The following PLCXD3 variants were observed in gnomAD, a reference collection of about 807,000 sequenced individuals.
PLCXD3 encodes the protein phosphatidylinositol specific phospholipase C X domain containing 3.
A neutral mutation model predicts 25.5 loss-of-function variants in PLCXD3; 19 were observed. That is an observed-to-expected ratio of 0.75 (90% CI 0.52 to 1.09). The LOEUF (loss-of-function observed/expected upper bound fraction) is 1.09, where lower values mean the gene tolerates loss of function less well. Ranked by LOEUF, PLCXD3 falls within the 50% of genes least tolerant of loss-of-function variation. The probability of loss-of-function intolerance (pLI) is 0.00; values close to 1 mark genes in which losing one functional copy is unlikely to be tolerated. For synonymous variants in PLCXD3, 174 were observed against 137.6 expected (o/e 1.26, Z -1.85); for missense variants, 411 against 388.1 (o/e 1.06, Z -0.50).
intron 1 of PLCXD3, among the ~76,000 whole-genome samples, chr5:41,436,378 T>C (rs1221095760): frequency 1.3e-5 from 2 of 152,164 alleles, no homozygotes; most frequent in Admixed American, 1.3e-4. Context: ...GTGTGATTAT[T>C]TGCAAGTTAC....
At chr5:41,423,724 T>A (rs2150506705) in intron 1 of PLCXD3, among the ~76,000 whole-genome samples, 1 of 152,284 alleles carries the variant, frequency 6.6e-6, no homozygotes, top group Non-Finnish European at 1.5e-5. Context: ...GGCGGACGGA[T>A]CACCTGAGGT....
chr5:41,338,899 G>A (rs1360339799), intron 2 of PLCXD3, among the ~76,000 whole-genome samples: 1 of 152,074 alleles, frequency 6.6e-6, no homozygotes, highest in Non-Finnish European at 1.5e-5. Context: ...GGAAAATAAT[G>A]CAATGTTCTC....
At chr5:41,487,681 C>T (rs1748549161) in intron 1 of PLCXD3, among the ~76,000 whole-genome samples, 1 of 152,138 alleles carries the variant, frequency 6.6e-6, no homozygotes, top group African/African-American at 2.4e-5. Context: ...AATGTCTCCT[C>T]AGGAGGTGTC....
At chr5:41,343,552 A>G (rs1744220042) in intron 2 of PLCXD3, among the ~76,000 whole-genome samples, 2 of 152,118 alleles carry the variant, frequency 1.3e-5, no homozygotes, top group East Asian at 1.9e-4. Context: ...TCTAACCCCA[A>G]CAGGTGGTTT....
intron 2 of PLCXD3, among the ~76,000 whole-genome samples, chr5:41,336,241 T>G (rs562968447): frequency 6.6e-6 from 1 of 152,272 alleles, no homozygotes; most frequent in Admixed American, 6.5e-5. Context: ...ATAGGTGGTA[T>G]GGCATAGAGG....
intron 1 of PLCXD3, among the ~76,000 whole-genome samples, chr5:41,477,539 A>G (rs961016303): frequency 6.6e-6 from 1 of 152,144 alleles, no homozygotes; most frequent in East Asian, 1.9e-4. Flanking sequence ...AATCAGGTGC[A>G]TATTTTCACA....
At chr5:41,341,765 C>T (rs1011476582) in intron 2 of PLCXD3, among the ~76,000 whole-genome samples, 4 of 152,230 alleles carry the variant, frequency 2.6e-5, no homozygotes, top group South Asian at 2.1e-4. Flanking sequence ...GGAATCTCCC[C>T]GTGTTGCTAA....
chr5:41,442,207 T>A (rs1229867699), intron 1 of PLCXD3, among the ~76,000 whole-genome samples: 1 of 152,206 alleles, frequency 6.6e-6, no homozygotes, highest in Non-Finnish European at 1.5e-5. Context: ...TCCTTCTAAA[T>A]CTGTATGTAA....
chr5:41,365,772 A>T (rs1488738038), intron 2 of PLCXD3, among the ~76,000 whole-genome samples: 1 of 152,066 alleles, frequency 6.6e-6, no homozygotes, highest in East Asian at 1.9e-4. Context: ...AATTTTTTTT[A>T]GTATTGTATC....
At chr5:41,319,449 T>A (rs1292155469) in intron 2 of PLCXD3, among the ~76,000 whole-genome samples, 2 of 152,070 alleles carry the variant, frequency 1.3e-5, no homozygotes, top group Admixed American at 6.5e-5. Flanking sequence ...AAATTAATGA[T>A]GAGAGGAATT....
intron 1 of PLCXD3, among the ~76,000 whole-genome samples, chr5:41,421,924 T>G (rs1299893298): frequency 6.6e-6 from 1 of 152,160 alleles, no homozygotes; most frequent in Non-Finnish European, 1.5e-5. Flanking sequence ...AACAACATGC[T>G]TTTCTTCATA....
At chr5:41,350,990 A>T (rs747798140) in intron 2 of PLCXD3, among the ~76,000 whole-genome samples, 11 of 152,244 alleles carry the variant, frequency 7.2e-5, no homozygotes, top group Non-Finnish European at 8.8e-5. Flanking sequence ...AAGTCACCAA[A>T]CCATACTTTA....
intron 1 of PLCXD3, among the ~76,000 whole-genome samples, chr5:41,470,325 T>C (rs1356744418): frequency 3.3e-5 from 5 of 151,802 alleles, no homozygotes; most frequent in African/African-American, 1.2e-4. Flanking sequence ...TCCAGAAGGG[T>C]CTGGAAAGGA....
At chr5:41,412,894 G>A (rs1746600781) in intron 1 of PLCXD3, among the ~76,000 whole-genome samples, 2 of 152,054 alleles carry the variant, frequency 1.3e-5, no homozygotes, top group South Asian at 4.1e-4. Flanking sequence ...TCAACTATTT[G>A]TACTGTCTTC....
chr5:41,510,377 G>C (rs1262331526), intron 1 of PLCXD3, 47 bp downstream of exon 1: 2 of 1,498,908 alleles, frequency 1.3e-6, no homozygotes, highest in Non-Finnish European at 9.1e-7. Context: ...GGGCGGGGCA[G>C]GTGGAGCGGG....
rs150964001 is a variant in PLCXD3, at chr5:41,314,069, C to T, written c.813-299G>A. 4.3e-4 allele frequency among the ~76,000 whole-genome samples: 65 copies of T among 152,272 alleles called. No individual in the cohort carries two copies. In the East Asian group the frequency reaches 8.7e-3, roughly 20 times the overall value. On this transcript the variant is annotated intron_variant, in intron 2 of 2. Transcript: ENST00000377801. ...AAAACAACATTTTTGCATTTGTATT[C>T]TGATTTAACATGGTGTCATCACAAA...
intron 1 of PLCXD3, among the ~76,000 whole-genome samples, chr5:41,390,698 G>C (rs1423468704): frequency 7.2e-5 from 11 of 152,052 alleles, no homozygotes; most frequent in African/African-American, 2.7e-4. Flanking sequence ...AGGACACCAA[G>C]TAGTTAATAA....
chr5:41,447,633 G>A (rs1356037091), intron 1 of PLCXD3, among the ~76,000 whole-genome samples: 2 of 152,178 alleles, frequency 1.3e-5, no homozygotes, highest in African/African-American at 4.8e-5. Flanking sequence ...GAGCCCCAGA[G>A]GATATTGCAT....
chr5:41,307,585 C>G lies in PLCXD3; in HGVS notation c.*6032G>C, dbSNP rs1405830809. The G allele has an allele frequency of 1.3e-5, 2 of 152,194 alleles. No homozygotes were observed. Among genetic ancestry groups the G allele is most frequent in the Non-Finnish European group, 2.9e-5 (2 of 68,132 alleles). The allele number at this position is 152,194 out of a possible 1,614,324, so 9.4% of individuals were successfully genotyped here. A position where few individuals can be genotyped will look rare whatever the true frequency, so the allele number is the denominator to read the frequency against. On this transcript the variant is annotated 3_prime_UTR_variant, in exon 3 of 3. Coordinates refer to ENST00000377801, the MANE Select transcript of PLCXD3 (RefSeq NM_001005473.3). ...GATAGCTGCATGTCAGGGTCAGATTCTATCCCCTACTTGCGCCTGCCTCCC... is the reference window on the plus strand; with the variant it reads ...GATAGCTGCATGTCAGGGTCAGATTGTATCCCCTACTTGCGCCTGCCTCCC...
Sources: gnomAD v4.1 joint callset for allele counts (sites outside exome capture counted in the v4.1 genomes callset) on GRCh38, gnomAD v4.1.1 for gene constraint, MANE v1.5 for transcripts, NCBI Gene and HGNC (gene_info 2026-07-23, HGNC 2026-07-21) for gene names.